MAP4: variants seen among roughly 807,000 people sequenced by gnomAD.
MAP4 encodes the protein microtubule-associated protein 4.
A neutral mutation model predicts 170.2 loss-of-function variants in MAP4; 76 were observed. The ratio of observed to expected loss-of-function variants is 0.45; its 90% CI spans 0.37 to 0.54. The LOEUF (loss-of-function observed/expected upper bound fraction) is 0.54. Among genes scored for constraint, MAP4 ranks in the 20% least tolerant of loss-of-function variants. The pLI is 0.00. For synonymous variants in MAP4, 909 were observed against 994.5 expected (o/e 0.91, Z 1.62); for missense variants, 2,506 against 2,748.0 (o/e 0.91, Z 1.97).
At chr3:47,859,748 T>G (rs1437926793) in intron 17 of MAP4, among the ~76,000 whole-genome samples, 1 of 152,284 alleles carries the variant, frequency 6.6e-6, no homozygotes, top group Admixed American at 6.5e-5. Context: ...TTGTCTCATC[T>G]TTCCAAAAAG....
intron 13 of MAP4, 108 bp downstream of exon 13, chr3:47,871,809 G>T: frequency 2.8e-6 from 3 of 1,086,390 alleles, no homozygotes; most frequent in South Asian, 1.6e-5. Flanking sequence ...CGGTGCGTAA[G>T]CAGGCCTGCA....
intron 1 of MAP4, among the ~76,000 whole-genome samples, chr3:48,033,322 G>T (rs1443852955): frequency 6.6e-6 from 1 of 152,080 alleles, no homozygotes; most frequent in Non-Finnish European, 1.5e-5. Flanking sequence ...TTTTAAAATG[G>T]CATGCCCTCC....
chr3:47,914,406 C>T (rs369708252), intron 8 of MAP4, among the ~76,000 whole-genome samples: 6 of 151,980 alleles, frequency 3.9e-5, no homozygotes, highest in Non-Finnish European at 5.9e-5. Context: ...AAAAATTAGC[C>T]GGGCATGGTG....
chr3:47,917,084 G>A lies in MAP4; in HGVS notation c.743C>T (p.Thr248Ile), dbSNP rs143125102. The A allele has an allele frequency of 3.1e-6, 5 of 1,614,068 alleles. No homozygotes were observed. In the East Asian group the frequency reaches 1.1e-4, roughly 36 times the overall value. The stretch of plus-strand genomic sequence containing the variant: ...TGTTTCTTTAGATGGTGCCATGTCA[G>A]TAGTCTTCAGTCCCATCATTATTTC... ...ALEIMMGLKT[T>I]DMAPSKETEM... The change falls in exon 7 of 21, where the codon ACT (threonine) becomes ATT (isoleucine). Residue 248 changes from threonine (T) to isoleucine (I), a missense_variant. This residue lies in a region of MAP4 where 2,008 missense variants were observed against 2,206.0 expected (regional missense o/e 0.91). Coordinates refer to ENST00000683076, the MANE Select transcript of MAP4 (RefSeq NM_001385682.1).
At chr3:47,880,102 A>G (rs949715765) in intron 10 of MAP4, among the ~76,000 whole-genome samples, 5 of 151,538 alleles carry the variant, frequency 3.3e-5, no homozygotes, top group African/African-American at 9.7e-5. Flanking sequence ...AGACTATAAC[A>G]GATTACTTTT....
At chr3:47,960,693 G>C (rs1445769668) in intron 3 of MAP4, 2 of 160,494 alleles carry the variant, frequency 1.2e-5, no homozygotes, top group African/African-American at 4.8e-5. Context: ...AAGTCTGTCA[G>C]TCTTCTTACT....
chr3:48,088,414 C>A (rs2100150515), intron 1 of MAP4, among the ~76,000 whole-genome samples: 1 of 152,178 alleles, frequency 6.6e-6, no homozygotes, highest in African/African-American at 2.4e-5. Context: ...CACCTCCGAA[C>A]CCCACCCAGG....
At chr3:47,856,112 C>T (rs1029497451) in intron 18 of MAP4, among the ~76,000 whole-genome samples, 5 of 152,140 alleles carry the variant, frequency 3.3e-5, no homozygotes, top group South Asian at 2.1e-4. Context: ...GGGAAGGGTG[C>T]GGGACGAGCT....
At chr3:48,038,947 C>T (rs1052608027) in intron 1 of MAP4, among the ~76,000 whole-genome samples, 1 of 151,880 alleles carries the variant, frequency 6.6e-6, no homozygotes, top group South Asian at 2.1e-4. Flanking sequence ...ACAAAAAATA[C>T]AAAAATTAGC....
At chr3:48,051,533 C>T (rs2100127853) in intron 1 of MAP4, among the ~76,000 whole-genome samples, 2 of 152,110 alleles carry the variant, frequency 1.3e-5, no homozygotes, top group African/African-American at 4.8e-5. Flanking sequence ...AAATCAGACT[C>T]TTCTACACAT....
At chr3:48,080,276 G>C (rs2100145960) in intron 1 of MAP4, among the ~76,000 whole-genome samples, 1 of 152,210 alleles carries the variant, frequency 6.6e-6, no homozygotes, top group South Asian at 2.1e-4. Context: ...CTTATCTTGG[G>C]AAATACCTGC....
In MAP4 at chr3:47,855,417, A is replaced by G; in HGVS notation, c.6584-57T>C. The G allele has an allele frequency of 9.7e-7, 1 of 1,035,428 alleles. No individual in the cohort carries two copies. The highest frequency in any genetic ancestry group is 1.7e-5 in the Admixed American group (1 of 59,206). 64.1% of individuals were successfully genotyped at this position (1,035,428 alleles called of 1,614,324 possible). A position where few individuals can be genotyped will look rare whatever the true frequency, so the allele number is the denominator to read the frequency against. ...TGGCAGAGGAATATCCCTGCAGGCA[A>G]AACCAGGACTAGCGATATGCCCAAT... is the stretch of plus-strand genomic sequence containing the variant. On this transcript the variant is annotated intron_variant, in intron 18 of 20. Coordinates refer to ENST00000683076, the MANE Select transcript of MAP4 (RefSeq NM_001385682.1). The surrounding 1 kb of genome is among the most constrained non-coding windows in gnomAD (Gnocchi z 5.1).
intron 1 of MAP4, among the ~76,000 whole-genome samples, chr3:48,071,441 A>G (rs1200730080): frequency 1.3e-5 from 2 of 151,986 alleles, no homozygotes; most frequent in Non-Finnish European, 2.9e-5. Context: ...CCAGATACCC[A>G]TAAGGCTGAA....
At chr3:48,079,885 G>A (rs2100145738) in intron 1 of MAP4, among the ~76,000 whole-genome samples, 2 of 151,750 alleles carry the variant, frequency 1.3e-5, no homozygotes. Context: ...GGGAGGCGGA[G>A]CTTGCAGTGA....
chr3:47,890,340 TTTC>T, intron 10 of MAP4, among the ~76,000 whole-genome samples: 1 of 152,316 alleles, frequency 6.6e-6, no homozygotes, highest in East Asian at 1.9e-4. Flanking sequence ...CTGCTTTCTC[TTTC>T]TTCTTTTTCT....
At chr3:48,019,081 T>C (rs1241424031), upstream of MAP4, among the ~76,000 whole-genome samples, 2 of 152,190 alleles carry the variant, frequency 1.3e-5, no homozygotes, top group African/African-American at 4.8e-5. Flanking sequence ...CTCACACCTG[T>C]AATCCCAGAA....
intron 16 of MAP4, among the ~76,000 whole-genome samples, chr3:47,868,985 A>G (rs2085777273): frequency 6.6e-6 from 1 of 152,206 alleles, no homozygotes; most frequent in African/African-American, 2.4e-5. Flanking sequence ...AATTATACAC[A>G]TATGTATTCT....
chr3:48,016,281 CACAT>C (rs2100107799), intron 1 of MAP4, 49 bp downstream of exon 1: 1 of 146,632 alleles, frequency 6.8e-6, no homozygotes, highest in Non-Finnish European at 1.5e-5. Flanking sequence ...CACACATACT[CACAT>C]ACATAAAACC....
intron 17 of MAP4, among the ~76,000 whole-genome samples, chr3:47,865,994 GC>G (rs2078901719): frequency 6.6e-6 from 1 of 152,160 alleles, no homozygotes; most frequent in Non-Finnish European, 1.5e-5. Context: ...CACAATGGCA[GC>G]AAGACAAAAA....
Sources: gnomAD v4.1 joint callset for allele counts (sites outside exome capture counted in the v4.1 genomes callset) on GRCh38, gnomAD v4.1.1 for gene constraint, gnomAD v4.1.1 regional missense constraint, Gnocchi (gnomAD v3.1) non-coding constraint, MANE v1.5 for transcripts, NCBI Gene and HGNC (gene_info 2026-07-23, HGNC 2026-07-21) for gene names.